The following TP63 variants were observed in gnomAD, a reference collection of about 807,000 sequenced individuals.
TP63 encodes the protein tumor protein 63.
In TP63, 17 loss-of-function variants were observed where a neutral mutation model predicts 82.8. That is an observed-to-expected ratio of 0.21 (90% CI 0.14 to 0.31). TP63 has a LOEUF of 0.31. TP63 is among the 10% of genes least tolerant of loss of function. The pLI, the probability that TP63 is intolerant of heterozygous loss-of-function variation, is 1.00. For missense variants in TP63, 648 were observed against 895.3 expected, an observed-to-expected ratio of 0.72 and a Z score of 3.52; for synonymous variants, 330 against 321.7, an observed-to-expected ratio of 1.03 and a Z score of -0.28.
At chr3:189,875,816 G>A (rs1289116945) in intron 10 of TP63, among the ~76,000 whole-genome samples, 1 of 105,190 alleles carries the variant, frequency 9.5e-6, no homozygotes, top group Non-Finnish European at 2.0e-5. Context: ...GGTTTTTCAG[G>A]TGGCATTTCA....
chr3:189,745,522 CA>C (rs1721300799), intron 3 of TP63, among the ~76,000 whole-genome samples: 1 of 151,818 alleles, frequency 6.6e-6, no homozygotes, highest in Non-Finnish European at 1.5e-5. Flanking sequence ...TCCTGATCAA[CA>C]TAGTGAAACC....
intron 3 of TP63, among the ~76,000 whole-genome samples, chr3:189,792,826 CA>C (rs1725295631): frequency 6.6e-6 from 1 of 152,032 alleles, no homozygotes; most frequent in South Asian, 2.1e-4. Flanking sequence ...GTGGAGACAG[CA>C]GTGTAAACTC....
intron 3 of TP63, among the ~76,000 whole-genome samples, chr3:189,786,850 C>T (rs1197899802): frequency 1.3e-5 from 2 of 152,050 alleles, no homozygotes; most frequent in Non-Finnish European, 2.9e-5. Context: ...TACTAACTTA[C>T]ACCACTAGGT....
chr3:189,840,857 C>CAA (rs58360712), intron 4 of TP63, among the ~76,000 whole-genome samples: 90 of 97,242 alleles, frequency 9.3e-4, no homozygotes, highest in African/African-American at 2.5e-3. Context: ...ACTCAGTCTC[C>CAA]AAAAAAAAAA....
intron 4 of TP63, among the ~76,000 whole-genome samples, chr3:189,831,426 A>G (rs1367604711): frequency 6.6e-6 from 1 of 152,078 alleles, no homozygotes; most frequent in Admixed American, 6.6e-5. Context: ...TTATTTATAC[A>G]TTTATATGCA....
intron 3 of TP63, among the ~76,000 whole-genome samples, chr3:189,792,010 T>A (rs1229546868): frequency 6.6e-6 from 1 of 151,998 alleles, no homozygotes; most frequent in Non-Finnish European, 1.5e-5. Context: ...AGAGTGAAAA[T>A]TATTTAAAAA....
intron 1 of TP63, among the ~76,000 whole-genome samples, chr3:189,714,642 G>C (rs1331050367): frequency 6.6e-6 from 1 of 152,116 alleles, no homozygotes; most frequent in East Asian, 1.9e-4. Flanking sequence ...GTTTTCCTTG[G>C]CTGGAGATTA....
intron 4 of TP63, among the ~76,000 whole-genome samples, chr3:189,831,398 A>G (rs956627526): frequency 4.6e-5 from 7 of 152,060 alleles, no homozygotes. Flanking sequence ...TTCTTAATTT[A>G]CTTTTTAAAT....
chr3:189,634,017 A>G (rs1729615156), intron 1 of TP63, among the ~76,000 whole-genome samples: 1 of 152,174 alleles, frequency 6.6e-6, no homozygotes, highest in South Asian at 2.1e-4. Flanking sequence ...TAAACAAGTG[A>G]ATAAATGAAA....
chr3:189,636,509 G>A (rs987624527), intron 1 of TP63, among the ~76,000 whole-genome samples: 1 of 152,062 alleles, frequency 6.6e-6, no homozygotes, highest in African/African-American at 2.4e-5. Flanking sequence ...TAGGTTCTTG[G>A]AGATTGTGAT....
At chr3:189,759,102 A>G (rs1722386629) in intron 3 of TP63, among the ~76,000 whole-genome samples, 1 of 152,246 alleles carries the variant, frequency 6.6e-6, no homozygotes, top group South Asian at 2.1e-4. Flanking sequence ...TAGCATGATA[A>G]TGAAGTCAGA....
intron 1 of TP63, among the ~76,000 whole-genome samples, chr3:189,697,082 T>C (rs2108732278): frequency 6.6e-6 from 1 of 152,140 alleles, no homozygotes; most frequent in South Asian, 2.1e-4. Flanking sequence ...TTATACATTT[T>C]ATCTAAAAAT....
intron 3 of TP63, among the ~76,000 whole-genome samples, chr3:189,768,053 T>C (rs1223871510): frequency 6.6e-6 from 1 of 152,136 alleles, no homozygotes; most frequent in Non-Finnish European, 1.5e-5. Context: ...TTGTTAGAGA[T>C]TTATTTTAAG....
chr3:189,820,725 A>G (rs112773293), intron 4 of TP63, among the ~76,000 whole-genome samples: 10 of 152,342 alleles, frequency 6.6e-5, no homozygotes, highest in African/African-American at 2.4e-4. Flanking sequence ...TTATGGATAT[A>G]AACTTCTAAT....
intron 3 of TP63, among the ~76,000 whole-genome samples, chr3:189,754,285 C>T (rs1030005832): frequency 6.6e-6 from 1 of 152,072 alleles, no homozygotes; most frequent in Non-Finnish European, 1.5e-5. Flanking sequence ...TCCTTCTTTC[C>T]TCCATCCTTG....
chr3:189,628,486 A>G (rs1729367664), upstream of TP63, among the ~76,000 whole-genome samples: 1 of 152,086 alleles, frequency 6.6e-6, no homozygotes, highest in Non-Finnish European at 1.5e-5. Context: ...CCTTTCTCCT[A>G]CGTTATGCTC....
intron 1 of TP63, among the ~76,000 whole-genome samples, chr3:189,665,153 G>A (rs1175456976): frequency 6.6e-6 from 1 of 152,082 alleles, no homozygotes; most frequent in African/African-American, 2.4e-5. Flanking sequence ...TTATGAGAGT[G>A]TACTACCACC....
intron 1 of TP63, among the ~76,000 whole-genome samples, chr3:189,711,869 G>T (rs1280080135): frequency 1.3e-5 from 2 of 152,186 alleles, no homozygotes; most frequent in Non-Finnish European, 2.9e-5. Flanking sequence ...ATAAGGCGGA[G>T]ATAGGTAGGC....
At chr3:189,785,898 A>G (rs1188288095) in intron 3 of TP63, among the ~76,000 whole-genome samples, 1 of 152,048 alleles carries the variant, frequency 6.6e-6, no homozygotes, top group Non-Finnish European at 1.5e-5. Context: ...CTCATTCAGC[A>G]TTCAGGTAGA....
Sources: gnomAD v4.1 joint callset for allele counts (sites outside exome capture counted in the v4.1 genomes callset) on GRCh38, gnomAD v4.1.1 for gene constraint, MANE v1.5 for transcripts, NCBI Gene and HGNC (gene_info 2026-07-23, HGNC 2026-07-21) for gene names.